NPAS3: variants seen among roughly 807,000 people sequenced by gnomAD.
NPAS3 encodes neuronal PAS domain protein 3, also known as neuronal PAS domain-containing protein 3.
A neutral mutation model predicts 73.1 loss-of-function variants in NPAS3; 14 were observed. The observed-to-expected ratio is 0.19, with a 90% CI of 0.13 to 0.30. The LOEUF is 0.30. Ranked by LOEUF, NPAS3 falls within the 10% of genes least tolerant of loss-of-function variation. The pLI is 1.00. For synonymous variants in NPAS3, 620 were observed against 541.5 expected, an observed-to-expected ratio of 1.14 and a Z score of -2.01; for missense variants, 1,096 against 1,250.0, an observed-to-expected ratio of 0.88 and a Z score of 1.86.
At chr14:33,059,063 C>T (rs977431665) in intron 2 of NPAS3, among the ~76,000 whole-genome samples, 3 of 152,180 alleles carry the variant, frequency 2.0e-5, no homozygotes, top group South Asian at 2.1e-4. Context: ...TCTGGCCTCA[C>T]GTTAGTAACT....
chr14:33,428,511 CTAATGTTGAACAT>C (rs1401724034), intron 4 of NPAS3, among the ~76,000 whole-genome samples: 1 of 151,990 alleles, frequency 6.6e-6, no homozygotes, highest in Admixed American at 6.6e-5. Flanking sequence ...TACAAGGTTG[CTAATGTTGAACAT>C]TAATGTTCAT....
intron 5 of NPAS3, among the ~76,000 whole-genome samples, chr14:33,578,560 A>G (rs1236255063): frequency 6.6e-6 from 1 of 152,192 alleles, no homozygotes; most frequent in African/African-American, 2.4e-5. Flanking sequence ...CTACATTTTT[A>G]AAAAGAGCCA....
chr14:33,719,869 ACCT>A (rs1449147151), intron 6 of NPAS3, among the ~76,000 whole-genome samples: 3 of 151,646 alleles, frequency 2.0e-5, no homozygotes, highest in African/African-American at 4.9e-5. Flanking sequence ...TATTTGCAAA[ACCT>A]CCTCGTAAGA....
chr14:33,753,986 G>A (rs2062039079), intron 7 of NPAS3, among the ~76,000 whole-genome samples: 1 of 152,124 alleles, frequency 6.6e-6, no homozygotes, highest in Non-Finnish European at 1.5e-5. Flanking sequence ...CTGTTCAGAT[G>A]GTTGTAAAGA....
intron 2 of NPAS3, among the ~76,000 whole-genome samples, chr14:33,113,638 T>C (rs1329765126): frequency 3.3e-5 from 5 of 152,178 alleles, no homozygotes; most frequent in Admixed American, 6.5e-5. Context: ...CTTCCTCTTT[T>C]CCTAATTGAA....
intron 4 of NPAS3, among the ~76,000 whole-genome samples, chr14:33,551,601 G>C (rs1453770082): frequency 6.6e-6 from 1 of 152,150 alleles, no homozygotes; most frequent in Admixed American, 6.5e-5. Flanking sequence ...CCAGAGAAGG[G>C]GGAAAAAGCT....
At chr14:33,587,999 T>C (rs2056925973) in intron 5 of NPAS3, among the ~76,000 whole-genome samples, 1 of 152,236 alleles carries the variant, frequency 6.6e-6, no homozygotes, top group South Asian at 2.1e-4. Context: ...GTTGCTCTAC[T>C]TAAAGATTAT....
chr14:33,028,440 T>C (rs2039880188), intron 1 of NPAS3, among the ~76,000 whole-genome samples: 1 of 152,194 alleles, frequency 6.6e-6, no homozygotes, highest in African/African-American at 2.4e-5. Context: ...AAATAACAAG[T>C]GAGTGAATGC....
At chr14:33,589,601 G>C (rs1201756342) in intron 5 of NPAS3, among the ~76,000 whole-genome samples, 2 of 152,132 alleles carry the variant, frequency 1.3e-5, no homozygotes, top group African/African-American at 4.8e-5. Flanking sequence ...AGAGTTTGTA[G>C]TTCCAGATCC....
At chr14:33,497,967 A>G (rs2052295913) in intron 4 of NPAS3, among the ~76,000 whole-genome samples, 1 of 152,222 alleles carries the variant, frequency 6.6e-6, no homozygotes, top group South Asian at 2.1e-4. Context: ...GCTAATATCC[A>G]GATTCTATAA....
intron 4 of NPAS3, among the ~76,000 whole-genome samples, chr14:33,453,414 T>A (rs1894247571): frequency 6.6e-6 from 1 of 152,230 alleles, no homozygotes; most frequent in African/African-American, 2.4e-5. Context: ...AAGCAAGGCT[T>A]GTCCTCTAGT....
intron 2 of NPAS3, among the ~76,000 whole-genome samples, chr14:33,145,624 C>T (rs1012175237): frequency 7.9e-5 from 12 of 152,178 alleles, no homozygotes; most frequent in Non-Finnish European, 1.8e-4. Flanking sequence ...TCTAGAAGAA[C>T]AGCACAGTGT....
rs1445187642 is a variant in NPAS3, at chr14:32,966,597, C to T, written c.50+27231C>T. On this transcript the variant is annotated intron_variant, in intron 1 of 11. Coordinates refer to ENST00000356141, the Ensembl canonical transcript of NPAS3. The stretch of plus-strand genomic sequence containing the variant: ...CGTAAGAACCCAAATTATGAAACCC[C>T]GTCTCTACTAAAAATACAAAAAATT... Among the ~76,000 whole-genome samples the T allele has an allele frequency of 5.0e-4, 68 of 135,078 alleles. 11 individuals are homozygous for T. Among genetic ancestry groups the T allele is most frequent in the Non-Finnish European group, 8.3e-4 (51 of 61,240 alleles). 88.6% of individuals were successfully genotyped at this position (135,078 alleles called of 152,430 possible).
intron 4 of NPAS3, among the ~76,000 whole-genome samples, chr14:33,529,876 C>T (rs532998338): frequency 2.2e-4 from 33 of 152,190 alleles, no homozygotes; most frequent in African/African-American, 5.8e-4. Context: ...AATTACCAAG[C>T]GGCAGCATGT....
At position 33,724,435 on chromosome 14, in the gene NPAS3, AC is replaced by A. The variant is rs1005123126; in HGVS notation, c.734-10777del. Among the ~76,000 whole-genome samples, 26 of 152,250 alleles carry A rather than the reference AC, an allele frequency of 1.7e-4. 1 individual carries two copies. Among genetic ancestry groups the A allele is most frequent in the African/African-American group, 6.3e-4 (26 of 41,564 alleles). On this transcript the variant is annotated intron_variant, in intron 6 of 11. Coordinates refer to ENST00000356141, the Ensembl canonical transcript of NPAS3. Reference sequence around the variant, plus strand: ...GATCCCTTGAGCCCAGGAGTTCAAGACCAGCTTGGGCAACATGGTGAAACCC... The same window carrying A: ...GATCCCTTGAGCCCAGGAGTTCAAGACAGCTTGGGCAACATGGTGAAACCC...
chr14:33,795,311 A>C (rs1423966168), intron 10 of NPAS3, among the ~76,000 whole-genome samples: 1 of 152,142 alleles, frequency 6.6e-6, no homozygotes, highest in African/African-American at 2.4e-5. Flanking sequence ...AGGTAAAAGT[A>C]TGTGTATTGA....
At chr14:32,954,308 G>A (rs765360375) in intron 1 of NPAS3, among the ~76,000 whole-genome samples, 2 of 152,086 alleles carry the variant, frequency 1.3e-5, no homozygotes, top group Non-Finnish European at 2.9e-5. Context: ...TCTTTTGTAA[G>A]CATGCTCGCT....
Position 33,800,578 on chromosome 14 carries a change from C to G in NPAS3, c.2271C>G (p.Asp757Glu). The change falls in exon 12 of 12, where the codon GAC (aspartate) becomes GAG (glutamate). Residue 757 changes from aspartate (D) to glutamate (E), a missense_variant. Asp to Glu is a conservative substitution (Grantham distance 45). Coordinates refer to ENST00000356141, the Ensembl canonical transcript of NPAS3. The surrounding 1 kb of genome is among the most constrained non-coding windows in gnomAD (Gnocchi z 6.5). ...CCCCGCTCTCGGCGTCCCCGCGGGA[C>G]AAGCACCCCGGGAACGGCGGCGGGG... 3.1e-6 allele frequency: 4 copies of G among 1,306,972 alleles called. No individual in the cohort carries two copies. Among genetic ancestry groups the G allele is most frequent in the Non-Finnish European group, 3.9e-6 (4 of 1,036,900 alleles). 81.0% of individuals were successfully genotyped at this position (1,306,972 alleles called of 1,614,324 possible).
intron 3 of NPAS3, among the ~76,000 whole-genome samples, chr14:33,269,681 A>G (rs2040980171): frequency 6.6e-6 from 1 of 152,206 alleles, no homozygotes; most frequent in South Asian, 2.1e-4. Context: ...GCTCACGAGC[A>G]TGACTTCAGA....
Sources: allele counts gnomAD v4.1 joint callset (sites outside exome capture counted in the v4.1 genomes callset), GRCh38; gene constraint gnomAD v4.1.1; non-coding constraint Gnocchi (gnomAD v3.1); transcripts MANE v1.5; gene names NCBI Gene and HGNC (gene_info 2026-07-23, HGNC 2026-07-21).